RASAL1: variants seen among roughly 807,000 people sequenced by gnomAD.
RASAL1 encodes the protein RAS protein activator like 1.
In RASAL1, 72 loss-of-function variants were observed where a neutral mutation model predicts 96.6. The observed-to-expected ratio is 0.75, with a 90% CI of 0.62 to 0.91. RASAL1 has a LOEUF of 0.91. RASAL1 is among the 40% of genes least tolerant of loss of function. The pLI, the probability that RASAL1 is intolerant of heterozygous loss-of-function variation, is 0.00. For missense variants in RASAL1, 1,016 were observed against 1,072.5 expected, an observed-to-expected ratio of 0.95 and a Z score of 0.74; for synonymous variants, 405 against 430.4, an observed-to-expected ratio of 0.94 and a Z score of 0.73.
At chr12:113,134,751 C>G (rs961367792) in intron 1 of RASAL1, among the ~76,000 whole-genome samples, 1 of 152,128 alleles carries the variant, frequency 6.6e-6, no homozygotes, top group Non-Finnish European at 1.5e-5. Flanking sequence ...TAGGGTCCCC[C>G]AGTCCCATTG....
At chr12:113,108,721 G>A (rs1950739069) in intron 13 of RASAL1, among the ~76,000 whole-genome samples, 1 of 152,196 alleles carries the variant, frequency 6.6e-6, no homozygotes. Context: ...TTTTACAGAG[G>A]AGGCAACTGA....
rs946938548 is a variant in RASAL1 at position 113,130,290 on chromosome 12, G to A, written c.122+595C>T. Among the ~76,000 whole-genome samples the A allele has an allele frequency of 1.3e-4, 20 of 152,170 alleles. No individual in the cohort carries two copies. The highest frequency in any genetic ancestry group is 7.4e-5 in the Non-Finnish European group (5 of 68,020). On this transcript the variant is annotated intron_variant, in intron 2 of 20. Coordinates refer to ENST00000548055, the MANE Select transcript of RASAL1 (RefSeq NM_001301202.2). The surrounding 1 kb of genome is among the most constrained non-coding windows in gnomAD (Gnocchi z 5.1). ...TCACACCTTCACATGTGTCCACACC[G>A]GTGCCTTTGTGACCAAATCAGCTGG...
At chr12:113,121,361 G>C (rs1951286796) in intron 5 of RASAL1, 148 bp downstream of exon 5, 2 of 1,308,680 alleles carry the variant, frequency 1.5e-6, no homozygotes, top group Admixed American at 2.3e-5. Context: ...CAGTGAGCTT[G>C]GACTGTTTGT....
chr12:113,115,362 G>A lies in RASAL1; in HGVS notation c.1004-98C>T. The A allele has an allele frequency of 8.1e-7, 1 of 1,242,168 alleles. No homozygotes were observed. The highest frequency in any genetic ancestry group is 1.2e-6 in the Non-Finnish European group (1 of 844,818). The allele number at this position is 1,242,168 out of a possible 1,614,324, so 76.9% of individuals were successfully genotyped here. ...GGAGTCATGATTCTTCCAGCCCCAA[G>A]AATCAGGAAGACCCAAAACATCAAC... On this transcript the variant is annotated intron_variant, in intron 10 of 20. Transcript: ENST00000548055. The surrounding 1 kb of genome is among the most constrained non-coding windows in gnomAD (Gnocchi z 4.1).
chr12:113,128,157 G>C lies in RASAL1; in HGVS notation c.144C>G (p.Ser48Arg), dbSNP rs756650228. ...VVARTATVWR[S>R]LGPFWGEEYT... ...ACTCCTCCCCCCAGAAGGGGCCCAGGCTCCTCCAGACAGTAGCTGTCCTGC... is the reference window on the plus strand; with the variant it reads ...ACTCCTCCCCCCAGAAGGGGCCCAGCCTCCTCCAGACAGTAGCTGTCCTGC... Residue 48 changes from serine to arginine, a missense_variant, in exon 3 of 21, where the codon AGC becomes AGG. Physicochemically the swap from Ser to Arg is moderately radical, Grantham distance 110 (BLOSUM62 -1). Coordinates refer to ENST00000548055, the MANE Select transcript of RASAL1 (RefSeq NM_001301202.2). 5 of 1,613,484 alleles carry C rather than the reference G, an allele frequency of 3.1e-6. No individual in the cohort carries two copies. In the South Asian group the frequency reaches 5.5e-5, roughly 18 times the overall value.
At chr12:113,121,144 G>C (rs1951279893) in intron 5 of RASAL1, among the ~76,000 whole-genome samples, 1 of 152,152 alleles carries the variant, frequency 6.6e-6, no homozygotes, top group Non-Finnish European at 1.5e-5. Flanking sequence ...TGAACACCTG[G>C]ACCCAGCCAT....
chr12:113,109,029 G>GGT (rs1566043661), intron 13 of RASAL1, among the ~76,000 whole-genome samples: 160 of 72,478 alleles, frequency 2.2e-3, no homozygotes, highest in African/African-American at 5.9e-3. Context: ...TTGTTTTTAG[G>GGT]TTTTTTTGTG....
intron 18 of RASAL1, 127 bp from the exon 19 acceptor site, chr12:113,102,136 C>T (rs1017155546): frequency 1.7e-6 from 2 of 1,186,374 alleles, no homozygotes; most frequent in African/African-American, 1.5e-5. Flanking sequence ...TACTTCTAGG[C>T]CACACACGGT....
intron 13 of RASAL1, among the ~76,000 whole-genome samples, chr12:113,110,646 G>A (rs917126066): frequency 9.2e-5 from 14 of 152,328 alleles, no homozygotes; most frequent in African/African-American, 3.4e-4. Context: ...CAGGCCGGGC[G>A]CGGTGGTTCA....
In RASAL1 at chr12:113,128,063, A is replaced by T; in HGVS notation, c.236+2T>A. ...CACATTCCACTTTCCCCAACCACAA[A>T]CCCGACAGTGTCCTCATCCAGCACG... is the stretch of plus-strand genomic sequence containing the variant. On this transcript the variant is annotated splice_donor_variant, in intron 3 of 20. Transcript: ENST00000548055. LOFTEE classifies it high-confidence loss of function. The T allele has an allele frequency of 6.2e-7, 1 of 1,612,832 alleles. No homozygotes were observed. Among genetic ancestry groups the T allele is most frequent in the Non-Finnish European group, 8.5e-7 (1 of 1,179,458 alleles).
intron 16 of RASAL1, 35 bp downstream of exon 16, chr12:113,105,679 C>G: frequency 4.5e-6 from 7 of 1,549,520 alleles, no homozygotes; most frequent in Non-Finnish European, 6.1e-6. Context: ...AAAGGCCACC[C>G]CTGGAAAGCC....
At chr12:113,105,280 C>T (rs1381893924) in intron 16 of RASAL1, among the ~76,000 whole-genome samples, 1 of 152,248 alleles carries the variant, frequency 6.6e-6, no homozygotes, top group Admixed American at 6.5e-5. Flanking sequence ...ATAATAGGCA[C>T]TCAATAAATG....
intron 4 of RASAL1, among the ~76,000 whole-genome samples, chr12:113,123,431 G>A (rs181169370): frequency 8.5e-5 from 13 of 152,314 alleles, no homozygotes; most frequent in African/African-American, 2.9e-4. Context: ...CAGCCTAATG[G>A]AGAATTCTCA....
At chr12:113,104,767 G>T (rs1245569396) in intron 16 of RASAL1, among the ~76,000 whole-genome samples, 1 of 152,224 alleles carries the variant, frequency 6.6e-6, no homozygotes, top group African/African-American at 2.4e-5. Flanking sequence ...CTCCCAAAGT[G>T]CTGGGATTAC....
At chr12:113,126,882 T>C (rs1951501918) in intron 4 of RASAL1, among the ~76,000 whole-genome samples, 1 of 151,620 alleles carries the variant, frequency 6.6e-6, no homozygotes, top group Admixed American at 6.6e-5. Flanking sequence ...CTCTCAGGGT[T>C]ATGATGAACC....
chr12:113,128,672 G>A (rs893766363), intron 2 of RASAL1, among the ~76,000 whole-genome samples: 1 of 152,028 alleles, frequency 6.6e-6, no homozygotes, highest in Admixed American at 6.6e-5. Context: ...CTGAGACAGA[G>A]TTGCTCACAG....
chr12:113,128,303 C>T, intron 2 of RASAL1, 125 bp from the exon 3 acceptor site: 1 of 648,706 alleles, frequency 1.5e-6, no homozygotes, highest in Non-Finnish European at 2.7e-6. Flanking sequence ...CACACACACA[C>T]TCAGAGACCC....
intron 20 of RASAL1, among the ~76,000 whole-genome samples, chr12:113,100,317 G>A (rs2136078994): frequency 6.6e-6 from 1 of 152,160 alleles, no homozygotes; most frequent in African/African-American, 2.4e-5. Context: ...TTTGGGGGTG[G>A]AGGCAGAGTC....
intron 19 of RASAL1, among the ~76,000 whole-genome samples, chr12:113,101,409 CTG>C (rs1255748900): frequency 2.6e-5 from 4 of 152,190 alleles, no homozygotes; most frequent in African/African-American, 9.7e-5. Flanking sequence ...GAGCCAGACT[CTG>C]TCTAAGTAAA....
Sources: allele counts gnomAD v4.1 joint callset (sites outside exome capture counted in the v4.1 genomes callset), GRCh38; gene constraint gnomAD v4.1.1; non-coding constraint Gnocchi (gnomAD v3.1); transcripts MANE v1.5; gene names NCBI Gene and HGNC (gene_info 2026-07-23, HGNC 2026-07-21).